FSHR: variants seen among roughly 807,000 people sequenced by gnomAD.
The protein encoded by FSHR is follicle-stimulating hormone receptor.
FSHR carries 46 observed loss-of-function variants against 52.1 expected under a neutral mutation model. The observed-to-expected ratio is 0.88, with a 90% confidence interval of 0.70 to 1.13. FSHR has a LOEUF of 1.13. Among genes scored for constraint, FSHR ranks in the 50% most tolerant of loss-of-function variants. The pLI is 0.00. For missense variants in FSHR, 964 were observed against 834.6 expected (o/e 1.16, Z -1.91); for synonymous variants, 399 against 309.6 (o/e 1.29, Z -3.03).
chr2:49,078,032 C>T (rs1262848326), intron 1 of FSHR, among the ~76,000 whole-genome samples: 8 of 152,230 alleles, frequency 5.3e-5, no homozygotes, highest in African/African-American at 1.7e-4. Context: ...GTCACTTCCA[C>T]ATTTTCAGGT....
chr2:49,073,733 G>A (rs1268997400), intron 1 of FSHR, among the ~76,000 whole-genome samples: 1 of 151,870 alleles, frequency 6.6e-6, no homozygotes, highest in Non-Finnish European at 1.5e-5. Context: ...AATAACCAAA[G>A]CATTCTAAGC....
chr2:49,121,716 C>T (rs1671822735), intron 1 of FSHR, among the ~76,000 whole-genome samples: 1 of 152,196 alleles, frequency 6.6e-6, no homozygotes, highest in South Asian at 2.1e-4. Flanking sequence ...GCAACCTTAA[C>T]TCCAACATCG....
rs529796344 is a variant in FSHR, at chr2:49,146,654, G to C, written c.152+7612C>G. Among the ~76,000 whole-genome samples the C allele has an allele frequency of 2.0e-5, 3 of 152,150 alleles. No homozygotes were observed. The East Asian group carries it at 5.8e-4, about 29-fold the overall frequency. On this transcript the variant is annotated intron_variant, in intron 1 of 9. Transcript: ENST00000406846. ...CACAGCTGCTGGAATCTGACGCCTA[G>C]AGAAAGCCTATTGGTTTGGGGAAGT...
At chr2:48,983,071 C>T (rs745603080) in intron 7 of FSHR, 27 bp downstream of exon 7, 18 of 1,612,508 alleles carry the variant, frequency 1.1e-5, no homozygotes, top group Middle Eastern at 1.7e-4. Flanking sequence ...CTTTAAATGG[C>T]CTTGAAGAAT....
chr2:48,976,346 G>T (rs868458377), intron 8 of FSHR, among the ~76,000 whole-genome samples: 2 of 152,144 alleles, frequency 1.3e-5, no homozygotes, highest in Admixed American at 6.5e-5. Flanking sequence ...TGACTTGATC[G>T]TGGTGGATAA....
chr2:49,151,958 T>C (rs993563804), intron 1 of FSHR, among the ~76,000 whole-genome samples: 2 of 152,154 alleles, frequency 1.3e-5, no homozygotes, highest in African/African-American at 4.8e-5. Flanking sequence ...TAAAATCTAA[T>C]AGACAAAGCA....
intron 8 of FSHR, among the ~76,000 whole-genome samples, chr2:48,971,641 T>C (rs753105333): frequency 7.2e-5 from 11 of 152,236 alleles, no homozygotes; most frequent in African/African-American, 1.7e-4. Flanking sequence ...AAATCTCCTA[T>C]ATACTTACTG....
intron 1 of FSHR, among the ~76,000 whole-genome samples, chr2:49,142,733 C>T (rs974554617): frequency 6.6e-6 from 1 of 151,928 alleles, no homozygotes; most frequent in Non-Finnish European, 1.5e-5. Context: ...TTGCAGTAGC[C>T]CAGGTGAGGG....
intron 1 of FSHR, among the ~76,000 whole-genome samples, chr2:49,150,813 C>T (rs1462140746): frequency 6.6e-6 from 1 of 151,950 alleles, no homozygotes; most frequent in Non-Finnish European, 1.5e-5. Context: ...ACTCTCTCAG[C>T]TATAGTCTAA....
intron 1 of FSHR, among the ~76,000 whole-genome samples, chr2:49,088,937 T>A (rs952856838): frequency 1.3e-5 from 2 of 152,174 alleles, no homozygotes; most frequent in African/African-American, 4.8e-5. Flanking sequence ...AACATATGCA[T>A]TGAGTAATTA....
chr2:48,990,648 A>T lies in FSHR; in HGVS notation c.375-11T>A, dbSNP rs1397398867. The T allele has an allele frequency of 6.5e-7, 1 of 1,546,100 alleles. No homozygotes were observed. The highest frequency in any genetic ancestry group is 2.2e-5 in the East Asian group (1 of 44,546). On this transcript the variant is annotated splice_polypyrimidine_tract_variant and intron_variant, in intron 4 of 9. Transcript: ENST00000406846. ...GTGTTGGATATTAACCTAGAGAGAAACAAAATGAGAGTGAGTGAAAATGAA... is the reference window on the plus strand; with the variant it reads ...GTGTTGGATATTAACCTAGAGAGAATCAAAATGAGAGTGAGTGAAAATGAA...
At chr2:48,984,399 G>A (rs1358082602) in intron 6 of FSHR, among the ~76,000 whole-genome samples, 1 of 152,206 alleles carries the variant, frequency 6.6e-6, no homozygotes, top group African/African-American at 2.4e-5. Flanking sequence ...GCTGTGGCAT[G>A]TGGATCCCTG....
intron 7 of FSHR, 28 bp downstream of exon 7, chr2:48,983,070 G>T (rs1397683863): frequency 6.2e-7 from 1 of 1,611,554 alleles, no homozygotes; most frequent in East Asian, 2.2e-5. Flanking sequence ...CCTTTAAATG[G>T]CCTTGAAGAA....
chr2:48,963,872 C>T lies in FSHR; in HGVS notation c.949G>A (p.Asp317Asn), dbSNP rs770725138. The change falls in exon 10 of 10, where the codon GAC becomes AAC. Residue 317 changes from aspartate to asparagine, a missense_variant. By Grantham distance (23) the Asp-to-Asn change is conservative. Transcript: ENST00000406846. ...CCTCTGCTGTAGCTGGACTCATTGT[C>T]TTCTGCCAGAGAGGATCTCTGACCC... ...ARGQRSSLAE[D>N]NESSYSRGFD... 2 of 1,614,094 alleles carry T rather than the reference C, an allele frequency of 1.2e-6. No individual in the cohort carries two copies. The highest frequency in any genetic ancestry group is 1.7e-6 in the Non-Finnish European group (2 of 1,179,980).
intron 4 of FSHR, among the ~76,000 whole-genome samples, chr2:49,010,694 C>T (rs1042286006): frequency 6.6e-6 from 1 of 151,796 alleles, no homozygotes; most frequent in African/African-American, 2.4e-5. Flanking sequence ...TGATTATTGC[C>T]ACAATTTCAG....
intron 1 of FSHR, among the ~76,000 whole-genome samples, chr2:49,117,093 G>T (rs1271279962): frequency 1.3e-5 from 2 of 152,108 alleles, no homozygotes; most frequent in African/African-American, 4.8e-5. Flanking sequence ...TATAGGCCTG[G>T]TTAGAGTTTG....
chr2:49,111,282 T>G (rs936297159), intron 1 of FSHR, among the ~76,000 whole-genome samples: 17 of 152,316 alleles, frequency 1.1e-4, no homozygotes, highest in African/African-American at 3.8e-4. Flanking sequence ...AGCTCTTTTT[T>G]GGCCTGCCCT....
chr2:48,965,212 G>A (rs1674420279), intron 9 of FSHR, among the ~76,000 whole-genome samples: 1 of 152,122 alleles, frequency 6.6e-6, no homozygotes, highest in African/African-American at 2.4e-5. Flanking sequence ...GATGAGTCTT[G>A]CCAGGTGTTC....
chr2:49,064,539 T>A lies in FSHR; in HGVS notation c.224+3680A>T, dbSNP rs573722043. Among the ~76,000 whole-genome samples, 401 of 152,196 alleles carry A rather than the reference T, an allele frequency of 2.6e-3. 2 individuals carry two copies. The highest frequency in any genetic ancestry group is 8.7e-3 in the African/African-American group (361 of 41,536). The stretch of plus-strand genomic sequence containing the variant: ...AGACTTGATTTTGGAGTTTCAAGTC[T>A]CCATAACTGTAAGAAAATAAATTTC... On this transcript the variant is annotated intron_variant, in intron 2 of 9. Transcript: ENST00000406846.
Sources: gnomAD v4.1 joint callset for allele counts (sites outside exome capture counted in the v4.1 genomes callset) on GRCh38, gnomAD v4.1.1 for gene constraint, MANE v1.5 for transcripts, NCBI Gene and HGNC (gene_info 2026-07-23, HGNC 2026-07-21) for gene names.